The following CECR2 variants were observed in gnomAD, a reference collection of about 807,000 sequenced individuals.
CECR2 encodes CECR2 histone acetyl-lysine reader.
A neutral mutation model predicts 154.5 loss-of-function variants in CECR2; 30 were observed. That is an observed-to-expected ratio of 0.19 (90% confidence interval 0.15 to 0.26). The LOEUF (loss-of-function observed/expected upper bound fraction) is 0.26. CECR2 is among the 10% of genes least tolerant of loss of function. The probability of loss-of-function intolerance (pLI) is 1.00; values close to 1 mark genes in which losing one functional copy is unlikely to be tolerated. For missense variants in CECR2, 1,743 were observed against 1,829.3 expected, an observed-to-expected ratio of 0.95 and a Z score of 0.86; for synonymous variants, 725 against 683.7, an observed-to-expected ratio of 1.06 and a Z score of -0.94.
chr22:17,389,946 T>TA (rs1448040630), intron 1 of CECR2, among the ~76,000 whole-genome samples: 1 of 152,204 alleles, frequency 6.6e-6, no homozygotes, highest in Non-Finnish European at 1.5e-5. Context: ...CTCTTATACA[T>TA]ATAAGTACAA....
Position 17,499,552 on chromosome 22 carries a change from A to T in CECR2, c.545+3A>T, listed in dbSNP as rs535340689. 2 of 1,605,490 alleles carry T rather than the reference A, an allele frequency of 1.2e-6. No individual in the cohort carries two copies. Among genetic ancestry groups the T allele is most frequent in the Non-Finnish European group, 1.7e-6 (2 of 1,175,660 alleles). On this transcript the variant is annotated splice_donor_region_variant and intron_variant, in intron 4 of 18. Coordinates refer to ENST00000262608, the MANE Select transcript of CECR2 (RefSeq NM_001290047.2). ...AATGGAGAACTCTCTTTGAGCAGGTATGTTCTTCAGTGTTAGGGCATGATA... is the reference window on the plus strand; with the variant it reads ...AATGGAGAACTCTCTTTGAGCAGGTTTGTTCTTCAGTGTTAGGGCATGATA...
chr22:17,389,536 C>G (rs1349442599), intron 1 of CECR2, among the ~76,000 whole-genome samples: 2 of 152,130 alleles, frequency 1.3e-5, no homozygotes, highest in Non-Finnish European at 2.9e-5. Flanking sequence ...GTCTTGAACT[C>G]CTGGGCTCAA....
chr22:17,513,452 G>C (rs1431524148), intron 8 of CECR2, among the ~76,000 whole-genome samples: 2 of 152,160 alleles, frequency 1.3e-5, no homozygotes, highest in African/African-American at 4.8e-5. Context: ...CAGAGATCTT[G>C]TCAGTAACTA....
At chr22:17,490,597 G>A (rs113453137) in intron 2 of CECR2, among the ~76,000 whole-genome samples, 8,311 of 151,738 alleles carry the variant, frequency 0.055, 740 homozygotes, top group African/African-American at 0.19. Flanking sequence ...ACCACGCCCG[G>A]CTAATTTTTT....
intron 1 of CECR2, among the ~76,000 whole-genome samples, chr22:17,382,580 G>A (rs1218698138): frequency 6.6e-6 from 1 of 152,178 alleles, no homozygotes; most frequent in Non-Finnish European, 1.5e-5. Context: ...GTAGCATTAT[G>A]TCTTAAAAAA....
intron 5 of CECR2, among the ~76,000 whole-genome samples, chr22:17,501,996 A>G (rs917387506): frequency 6.6e-6 from 1 of 152,202 alleles, no homozygotes; most frequent in Admixed American, 6.5e-5. Context: ...CAGCAGCCAC[A>G]TGGTTTATTG....
intron 1 of CECR2, chr22:17,419,564 GGAAGAAAA>G: frequency 4.4e-6 from 1 of 229,038 alleles, no homozygotes; most frequent in South Asian, 8.3e-5. Flanking sequence ...AGGAGGAGGA[GGAAGAAAA>G]GAAGAAGAAG....
intron 17 of CECR2, among the ~76,000 whole-genome samples, chr22:17,551,387 GC>G (rs1357060013): frequency 2.0e-5 from 3 of 151,682 alleles, no homozygotes; most frequent in Non-Finnish European, 4.4e-5. Context: ...GCATTTGGCT[GC>G]CGTGTCTGTT....
intron 1 of CECR2, among the ~76,000 whole-genome samples, chr22:17,430,453 A>G (rs1159064058): frequency 1.3e-5 from 2 of 151,968 alleles, no homozygotes; most frequent in Non-Finnish European, 2.9e-5. Flanking sequence ...TTTATTCTCC[A>G]TCAGCCCTTG....
chr22:17,414,093 C>T (rs1476323058), intron 1 of CECR2, among the ~76,000 whole-genome samples: 5 of 150,788 alleles, frequency 3.3e-5, no homozygotes, highest in African/African-American at 7.3e-5. Flanking sequence ...CTGCCTCAGC[C>T]TTCTGAGTAG....
intron 2 of CECR2, among the ~76,000 whole-genome samples, chr22:17,493,854 G>A (rs1454413018): frequency 6.6e-6 from 1 of 152,198 alleles, no homozygotes; most frequent in African/African-American, 2.4e-5. Flanking sequence ...CCCTGGCCCA[G>A]CATCTTCTGC....
chr22:17,514,525 C>G (rs1485739135), intron 8 of CECR2, among the ~76,000 whole-genome samples: 3 of 152,136 alleles, frequency 2.0e-5, no homozygotes, highest in Non-Finnish European at 4.4e-5. Context: ...CTGACCCCAC[C>G]TTTTAAAGAA....
At chr22:17,532,725 T>TTTTTTTTTTTTTTTA (rs2056377464) in intron 9 of CECR2, among the ~76,000 whole-genome samples, 1 of 123,378 alleles carries the variant, frequency 8.1e-6, no homozygotes, top group Non-Finnish European at 1.7e-5. Context: ...TTTTTTTTTT[T>TTTTTTTTTTTTTTTA]TTTTTTTTTT....
At chr22:17,405,959 C>G (rs1437244438) in intron 1 of CECR2, among the ~76,000 whole-genome samples, 1 of 152,114 alleles carries the variant, frequency 6.6e-6, no homozygotes, top group African/African-American at 2.4e-5. Context: ...TCAGGTCTTC[C>G]CCTTTTCCCT....
intron 8 of CECR2, among the ~76,000 whole-genome samples, chr22:17,523,446 C>T (rs1292159346): frequency 1.3e-5 from 2 of 151,544 alleles, no homozygotes; most frequent in African/African-American, 4.8e-5. Context: ...TTTAAAACTT[C>T]CTAGCGCTTT....
rs1452076407 is a variant in CECR2, at chr22:17,549,733, G to A, written c.4277+169G>A. ...GCTCAAGGATCCTCCTGCATCAGCT[G>A]TTTAAGTAACTGGGACTACACACAT... On this transcript the variant is annotated intron_variant, in intron 17 of 18. Coordinates refer to ENST00000262608, the MANE Select transcript of CECR2 (RefSeq NM_001290047.2). Among the ~76,000 whole-genome samples, 7 of 143,858 alleles carry A rather than the reference G, an allele frequency of 4.9e-5. No homozygotes were observed. In the East Asian group the frequency reaches 1.5e-3, roughly 30 times the overall value. The allele number at this position is 143,858 out of a possible 152,430, so 94.4% of individuals were successfully genotyped here. A position where few individuals can be genotyped will look rare whatever the true frequency, so the allele number is the denominator to read the frequency against.
At chr22:17,369,089 CT>C (rs1235802854), upstream of CECR2, among the ~76,000 whole-genome samples, 2 of 152,184 alleles carry the variant, frequency 1.3e-5, no homozygotes, top group African/African-American at 2.4e-5. Flanking sequence ...GTGCACGTTT[CT>C]GTCTCTAGCC....
chr22:17,447,071 C>T (rs760833669), intron 1 of CECR2, among the ~76,000 whole-genome samples: 15 of 118,324 alleles, frequency 1.3e-4, no homozygotes, highest in Non-Finnish European at 2.1e-4. Context: ...GTCTCGCTGT[C>T]TTGCCCAGGC....
intron 18 of CECR2, 58 bp from the exon 19 acceptor site, chr22:17,552,777 T>TTTTTTTTTTTTTTTTTTG (rs2056728267): frequency 7.5e-7 from 1 of 1,329,796 alleles, no homozygotes; most frequent in Non-Finnish European, 1.0e-6. Flanking sequence ...TACTTAAGTT[T>TTTTTTTTTTTTTTTTTTG]TTTTTTTTTT....
Sources: gnomAD v4.1 joint callset for allele counts (sites outside exome capture counted in the v4.1 genomes callset) on GRCh38, gnomAD v4.1.1 for gene constraint, MANE v1.5 for transcripts, NCBI Gene and HGNC (gene_info 2026-07-23, HGNC 2026-07-21) for gene names.